Variants in TTN observed in about 807,000 individuals in gnomAD.
TTN encodes the protein titin, also known as connectin.
Under a neutral mutation model 3,223.0 loss-of-function variants are expected in TTN, and 1,525 were observed. The observed-to-expected ratio is 0.47, with a 90% CI of 0.45 to 0.49. TTN has a LOEUF of 0.49. TTN is among the 20% of genes least tolerant of loss of function. TTN has a pLI of 0.00. For synonymous variants in TTN, 14,094 were observed against 15,161.0 expected (o/e 0.93, Z 5.17); for missense variants, 40,786 against 43,424.0 (o/e 0.94, Z 5.40).
rs1341263933 is a variant in TTN at position 178,663,726 on chromosome 2, C to G, written c.36449-16G>C. On this transcript the variant is annotated splice_polypyrimidine_tract_variant and intron_variant, in intron 170 of 362. Coordinates refer to ENST00000589042, the MANE Select transcript of TTN (RefSeq NM_001267550.2). ...GGCTCTGGTACTTAAAAGATATTAGCAAAATTACATTCAGAAGTTATGAAG... is the reference window on the plus strand; with the variant it reads ...GGCTCTGGTACTTAAAAGATATTAGGAAAATTACATTCAGAAGTTATGAAG... 1 of 1,609,786 alleles carries G rather than the reference C, an allele frequency of 6.2e-7. No individual in the cohort carries two copies. Among genetic ancestry groups the G allele is most frequent in the Non-Finnish European group, 8.5e-7 (1 of 1,178,658 alleles).
intron 47 of TTN, chr2:178,745,490 A>G (rs2154323152): frequency 1.9e-6 from 3 of 1,549,614 alleles, no homozygotes; most frequent in East Asian, 4.7e-5. Flanking sequence ...AATATGGTGG[A>G]CCTGTTTGGA....
At chr2:178,686,845 A>C (rs2154276493) in intron 127 of TTN, among the ~76,000 whole-genome samples, 1 of 152,342 alleles carries the variant, frequency 6.6e-6, no homozygotes. Flanking sequence ...TTCTCCTTTT[A>C]ACTAGAGTCT....
chr2:178,664,283 C>T (rs1303951032), intron 168 of TTN, among the ~76,000 whole-genome samples, 177 bp downstream of exon 168: 2 of 151,910 alleles, frequency 1.3e-5, no homozygotes, highest in African/African-American at 4.8e-5. Context: ...TTTTGGTAGC[C>T]ATTTCTTTGG....
intron 136 of TTN, 95 bp from the exon 137 acceptor site, chr2:178,681,545 T>C (rs2069396861): frequency 6.9e-7 from 1 of 1,456,482 alleles, no homozygotes; most frequent in Admixed American, 2.1e-5. Context: ...TACAACATAA[T>C]ATTCCCAAAC....
At chr2:178,622,117 A>G (rs1179157554) in intron 243 of TTN, 109 bp from the exon 244 acceptor site, 1 of 1,067,994 alleles carries the variant, frequency 9.4e-7, no homozygotes, top group African/African-American at 1.6e-5. Context: ...ACAAGACTTC[A>G]TAGTGTGAAG....
chr2:178,735,495 T>G lies in TTN; in HGVS notation c.14935+16A>C. ...TGCAGAGAAGGGACTAGAAAATACA[T>G]TCACACGTTTCTTACCTCTGACAGT... On this transcript the variant is annotated intron_variant, in intron 50 of 362. Transcript: ENST00000589042. The G allele has an allele frequency of 6.5e-7, 1 of 1,539,568 alleles. No homozygotes were observed. The highest frequency in any genetic ancestry group is 8.7e-7 in the Non-Finnish European group (1 of 1,149,292).
chr2:178,634,030 C>T lies in TTN; in HGVS notation c.42469G>A (p.Glu14157Lys), dbSNP rs1207534553. ...AGTTCACAAACAAAAGTTGCTGTTTCACCTTCTTTTACTGTTTGATCTTCA... is the reference window on the plus strand; with the variant it reads ...AGTTCACAAACAAAAGTTGCTGTTTTACCTTCTTTTACTGTTTGATCTTCA... ...PLEDQTVKEG[E>K]TATFVCELSH... Residue 14157 changes from glutamate (E) to lysine (K), a missense_variant, in exon 231 of 363, where the codon GAA becomes AAA. Physicochemically the swap from Glu to Lys is moderately conservative, Grantham distance 56 (BLOSUM62 1). Coordinates refer to ENST00000589042, the MANE Select transcript of TTN (RefSeq NM_001267550.2). This position sits in a 1 kb window ranked among gnomAD's most constrained non-coding sequence, Gnocchi z 4.6. The T allele has an allele frequency of 6.2e-7, 1 of 1,613,216 alleles. No individual in the cohort carries two copies.
In TTN at chr2:178,706,720, A is replaced by T. The variant is rs746851397; in HGVS notation, c.29154T>A (p.Ile9718=). Residue 9718 remains isoleucine, a synonymous_variant, in exon 102 of 363, where the codon ATT becomes ATA. Transcript: ENST00000589042. ...RVVEKTTATF[I]AKVGGDPIPN... Reference sequence around the variant, plus strand: ...GGATTGGGTCACCTCCAACTTTTGCAATGAAGGTCGCAGTGGTTTCTAAGG... The same window carrying T: ...GGATTGGGTCACCTCCAACTTTTGCTATGAAGGTCGCAGTGGTTTCTAAGG... 6.2e-6 allele frequency: 10 copies of T among 1,609,302 alleles called. No homozygotes were observed. The highest frequency in any genetic ancestry group is 8.5e-6 in the Non-Finnish European group (10 of 1,176,672).
chr2:178,635,853 C>A, intron 226 of TTN, 110 bp downstream of exon 226: 1 of 1,512,288 alleles, frequency 6.6e-7, no homozygotes, highest in South Asian at 1.3e-5. Context: ...ATTGTTATTC[C>A]CCTCTTAGGT....
At position 178,569,834 on chromosome 2, in the gene TTN, C is replaced by T; in HGVS notation, c.76298G>A (p.Gly25433Asp). Reference sequence around the variant, plus strand: ...AATGTATCCTTGAATTTCACAGCCACCATCATATATTGGTTTGCTCCAAGA... The same window carrying T: ...AATGTATCCTTGAATTTCACAGCCATCATCATATATTGGTTTGCTCCAAGA... ...FLSWSKPIYD[G>D]GCEIQGYIVE... Residue 25433 changes from glycine to aspartate, a missense_variant, in exon 326 of 363, where the codon GGT (glycine) becomes GAT (aspartate). By Grantham distance (94) the Gly-to-Asp change is moderately conservative (BLOSUM62 -1). Coordinates refer to ENST00000589042, the MANE Select transcript of TTN (RefSeq NM_001267550.2). 1.2e-6 allele frequency: 2 copies of T among 1,613,454 alleles called. No individual in the cohort carries two copies. The highest frequency in any genetic ancestry group is 4.5e-5 in the East Asian group (2 of 44,820).
intron 213 of TTN, 31 bp downstream of exon 213, chr2:178,649,217 G>C: frequency 6.9e-7 from 1 of 1,442,164 alleles, no homozygotes; most frequent in Non-Finnish European, 9.2e-7. Context: ...ATAGCAGTTA[G>C]AGAAATCTAT....
At position 178,739,526 on chromosome 2, in the gene TTN, ACT is replaced by A. The variant is rs755662318; in HGVS notation, c.13705_13706del (p.Leu4570GlufsTer12). The part of the protein sequence containing the change: ...AVVSDEKQDE[S>X]LKPSEEKEES... Reference sequence around the variant, plus strand: ...CCTCTTTTTCCTCTGATGGTTTCAGACTCTCATCTTGTTTTTCGTCAGAGACA... The same window carrying A: ...CCTCTTTTTCCTCTGATGGTTTCAGACTCATCTTGTTTTTCGTCAGAGACA... On this transcript the variant is annotated frameshift_variant, in exon 48 of 363. Coordinates refer to ENST00000589042, the MANE Select transcript of TTN (RefSeq NM_001267550.2). LOFTEE classifies it high-confidence loss of function. 6.2e-7 allele frequency: 1 copy of A among 1,613,504 alleles called. No individual in the cohort carries two copies. Among genetic ancestry groups the A allele is most frequent in the African/African-American group, 1.3e-5 (1 of 74,922 alleles).
Position 178,701,184 on chromosome 2 carries a change from A to T in TTN, c.30618T>A (p.Ala10206=). The T allele has an allele frequency of 6.2e-7, 1 of 1,613,216 alleles. No individual in the cohort carries two copies. The highest frequency in any genetic ancestry group is 8.5e-7 in the Non-Finnish European group (1 of 1,179,584). The stretch of plus-strand genomic sequence containing the variant: ...TTGGTAGCAAAAGGGGGATAGGAGG[A>T]GCAACCACAGGAGGGATTTCTGAAG... ...VPPEEIPPVV[A]PPIPLLLPTP... The change falls in exon 111 of 363, where the codon GCT becomes GCA. Residue 10206 remains alanine (A), a synonymous_variant. Transcript: ENST00000589042.
chr2:178,602,904 A>G (rs1325345423), intron 282 of TTN, among the ~76,000 whole-genome samples: 4 of 152,008 alleles, frequency 2.6e-5, no homozygotes, highest in African/African-American at 9.7e-5. Flanking sequence ...CCTTTGAAGA[A>G]ATTCTACAAT....
Position 178,611,463 on chromosome 2 carries a change from T to G in TTN, c.50766A>C (p.Lys16922Asn). ...FKVEEGVVPD[K>N]EYVLRVRAVN... is the part of the protein sequence containing the mutation. Reference sequence around the variant, plus strand: ...CTGCTCTCACTCTCAGGACATATTCTTTGTCAGGAACAACACCTTCTTCAA... The same window carrying G: ...CTGCTCTCACTCTCAGGACATATTCGTTGTCAGGAACAACACCTTCTTCAA... The change falls in exon 269 of 363, where the codon AAA becomes AAC. Residue 16922 changes from lysine (K) to asparagine (N), a missense_variant. By Grantham distance (94) the Lys-to-Asn change is moderately conservative. Transcript: ENST00000589042. The G allele has an allele frequency of 6.2e-7, 1 of 1,612,944 alleles. No homozygotes were observed.
At chr2:178,671,856 A>C in intron 155 of TTN, 115 bp downstream of exon 155, 1 of 1,105,038 alleles carries the variant, frequency 9.0e-7, no homozygotes, top group Non-Finnish European at 1.3e-6. Context: ...GTTTAAACTC[A>C]TGTTTAAAGT....
At position 178,548,971 on chromosome 2, in the gene TTN, A is replaced by G. The variant is rs749979086; in HGVS notation, c.92655T>C (p.Asp30885=). 1 of 1,613,884 alleles carries G rather than the reference A, an allele frequency of 6.2e-7. No individual in the cohort carries two copies. Among genetic ancestry groups the G allele is most frequent in the South Asian group, 1.1e-5 (1 of 91,078 alleles). Residue 30885 remains aspartate (D), a synonymous_variant, in exon 339 of 363, where the codon GAT becomes GAC. Transcript: ENST00000589042. The surrounding 1 kb of genome is among the most constrained non-coding windows in gnomAD (Gnocchi z 4.3). Reference sequence around the variant, plus strand: ...ATTTGTATTCTTCACCTGCTTGTAGATCAGTGACTGTATATCTTGTTTTCA... The same window carrying G: ...ATTTGTATTCTTCACCTGCTTGTAGGTCAGTGACTGTATATCTTGTTTTCA... ...ACVKTRYTVT[D]LQAGEEYKFR...
At position 178,707,731 on chromosome 2, in the gene TTN, A is replaced by T; in HGVS notation, c.28836T>A (p.His9612Gln). The T allele has an allele frequency of 6.2e-7, 1 of 1,614,012 alleles. No homozygotes were observed. Among genetic ancestry groups the T allele is most frequent in the Non-Finnish European group, 8.5e-7 (1 of 1,179,856 alleles). The change falls in exon 100 of 363, where the codon CAT becomes CAA. Residue 9612 changes from histidine to glutamine, a missense_variant. Physicochemically the swap from His to Gln is conservative, Grantham distance 24 (BLOSUM62 0). Coordinates refer to ENST00000589042, the MANE Select transcript of TTN (RefSeq NM_001267550.2). ...TCCTAATTGGCTCAGATCCCTGGAC[A>T]TGGCAGCTGAGCTGCACGTATTCTC... ...SEGEYVQLSC[H>Q]VQGSEPIRIQ...
rs192301247 is a variant in TTN at position 178,562,715 on chromosome 2, C to T, written c.83417G>A (p.Arg27806Gln). Residue 27806 changes from arginine to glutamine, a missense_variant, in exon 326 of 363, where the codon CGA (arginine) becomes CAA (glutamine). Coordinates refer to ENST00000589042, the MANE Select transcript of TTN (RefSeq NM_001267550.2). The stretch of plus-strand genomic sequence containing the variant: ...AGCATAGGCTTTTCTTGTAGTTTCT[C>T]GTTTTTCGACAATGTAGTTTGTAAT... ...AKITNYIVEK[R>Q]ETTRKAYATI... 1.0e-5 allele frequency: 16 copies of T among 1,596,974 alleles called. No homozygotes were observed. Among genetic ancestry groups the T allele is most frequent in the Admixed American group, 3.5e-5 (2 of 57,082 alleles).
Sources: allele counts gnomAD v4.1 joint callset (sites outside exome capture counted in the v4.1 genomes callset), GRCh38; gene constraint gnomAD v4.1.1; non-coding constraint Gnocchi (gnomAD v3.1); transcripts MANE v1.5; gene names NCBI Gene and HGNC (gene_info 2026-07-23, HGNC 2026-07-21).